DGKG: variants seen among roughly 807,000 people sequenced by gnomAD.
DGKG encodes the protein diacylglycerol kinase gamma.
A neutral mutation model predicts 105.3 loss-of-function variants in DGKG; 78 were observed. The ratio of observed to expected loss-of-function variants is 0.74; its 90% CI spans 0.62 to 0.89. The LOEUF (loss-of-function observed/expected upper bound fraction) is 0.89, where lower values mean the gene tolerates loss of function less well. DGKG is among the 40% of genes least tolerant of loss of function. The pLI is 0.00. For synonymous variants in DGKG, 346 were observed against 367.1 expected (o/e 0.94, Z 0.66); for missense variants, 958 against 1,020.1 (o/e 0.94, Z 0.83).
At chr3:186,261,500 A>C (rs920008755) in intron 15 of DGKG, among the ~76,000 whole-genome samples, 199 bp downstream of exon 15, 4 of 152,212 alleles carry the variant, frequency 2.6e-5, no homozygotes, top group African/African-American at 7.2e-5. Context: ...AGGAGGAATG[A>C]TAATTATCTC....
chr3:186,347,108 T>C (rs1394828323), intron 1 of DGKG, among the ~76,000 whole-genome samples: 1 of 152,108 alleles, frequency 6.6e-6, no homozygotes, highest in Non-Finnish European at 1.5e-5. Flanking sequence ...TAAAACAGCA[T>C]ATATTTAGAA....
chr3:186,300,201 A>G (rs554042955), intron 3 of DGKG, among the ~76,000 whole-genome samples: 4 of 152,112 alleles, frequency 2.6e-5, no homozygotes, highest in Non-Finnish European at 5.9e-5. Flanking sequence ...CTCTGATTGC[A>G]TCTCCAGCAT....
intron 5 of DGKG, among the ~76,000 whole-genome samples, chr3:186,290,519 AT>A (rs1723266490): frequency 6.6e-6 from 1 of 152,250 alleles, no homozygotes; most frequent in South Asian, 2.1e-4. Context: ...GACAAAATGT[AT>A]GAAACAATGG....
intron 20 of DGKG, among the ~76,000 whole-genome samples, chr3:186,223,913 C>G (rs1281323135): frequency 6.6e-6 from 1 of 152,186 alleles, no homozygotes; most frequent in Non-Finnish European, 1.5e-5. Context: ...CTCCTCTCCC[C>G]TAAGGAATAC....
rs369775577 is a variant in DGKG at position 186,317,489 on chromosome 3, T to C, written c.67+2904A>G. Among the ~76,000 whole-genome samples the C allele has an allele frequency of 5.9e-5, 9 of 152,290 alleles. No homozygotes were observed. The South Asian group carries it at 1.9e-3, about 32-fold the overall frequency. On this transcript the variant is annotated intron_variant, in intron 2 of 24. Transcript: ENST00000265022. ...TCCCCAGGATGGGGTCCTACTTTCCTTTCTAGTTCTTCCCCCAACACTCCT... is the reference window on the plus strand; with the variant it reads ...TCCCCAGGATGGGGTCCTACTTTCCCTTCTAGTTCTTCCCCCAACACTCCT...
chr3:186,169,306 C>G (rs561554624), intron 22 of DGKG, among the ~76,000 whole-genome samples: 1 of 152,236 alleles, frequency 6.6e-6, no homozygotes, highest in South Asian at 2.1e-4. Flanking sequence ...AAGAAAAGGA[C>G]AAATCCCAAC....
intron 24 of DGKG, chr3:186,158,335 C>T (rs1716132871): frequency 1.1e-6 from 1 of 946,020 alleles, no homozygotes; most frequent in African/African-American, 1.8e-5. Flanking sequence ...AGGCTATATT[C>T]TATAATTTTT....
At chr3:186,280,068 G>T (rs1040399280) in intron 8 of DGKG, 95 bp from the exon 9 acceptor site, 250 of 1,517,148 alleles carry the variant, frequency 1.6e-4, no homozygotes, top group Non-Finnish European at 2.2e-4. Flanking sequence ...GCATTATCTG[G>T]TTTGTGTTTT....
intron 5 of DGKG, among the ~76,000 whole-genome samples, chr3:186,290,888 A>G (rs1723282689): frequency 6.6e-6 from 1 of 152,228 alleles, no homozygotes; most frequent in Non-Finnish European, 1.5e-5. Flanking sequence ...AGGCTGGGGA[A>G]AGAACTAGGA....
At chr3:186,285,354 C>G (rs531584974) in intron 6 of DGKG, among the ~76,000 whole-genome samples, 1 of 152,280 alleles carries the variant, frequency 6.6e-6, no homozygotes, top group South Asian at 2.1e-4. Context: ...AGGTACTGTC[C>G]TATAGACTTT....
In DGKG at chr3:186,267,788, A is replaced by C; in HGVS notation, c.1117-11T>G. 6.2e-7 allele frequency: 1 copy of C among 1,612,898 alleles called. No homozygotes were observed. The highest frequency in any genetic ancestry group is 1.1e-5 in the South Asian group (1 of 91,050). ...ACATTTGCGGTGAAACTGGGGGGAG[A>C]AATGAAAAAGAGAGTGAGTGAAAGT... On this transcript the variant is annotated splice_polypyrimidine_tract_variant and intron_variant, in intron 12 of 24. Coordinates refer to ENST00000265022, the MANE Select transcript of DGKG (RefSeq NM_001346.3).
intron 20 of DGKG, among the ~76,000 whole-genome samples, chr3:186,233,231 G>A (rs913761938): frequency 6.6e-5 from 10 of 152,192 alleles, no homozygotes; most frequent in Non-Finnish European, 1.3e-4. Flanking sequence ...AAGTGGAAGA[G>A]GGAGGCAGGA....
In DGKG at chr3:186,279,851, A is replaced by G. The variant is rs1722748995; in HGVS notation, c.792T>C (p.Ser264=). The change falls in exon 9 of 25, where the codon TCT becomes TCC. Residue 264 remains serine, a splice_region_variant and synonymous_variant. Transcript: ENST00000265022. ...PLLVLLGMDD[S]GSKGDGRHAW... is the part of the protein sequence containing the mutation. ...TCTGAACTCCAGCTTGTTGACTTAC[A>G]GAGTCATCCATCCCCAGGAGGACCA... 6.2e-7 allele frequency: 1 copy of G among 1,613,292 alleles called. No homozygotes were observed. The highest frequency in any genetic ancestry group is 1.1e-5 in the South Asian group (1 of 90,958).
chr3:186,160,900 G>A (rs1161670020), intron 24 of DGKG: 1 of 985,320 alleles, frequency 1.0e-6, no homozygotes, highest in African/African-American at 1.7e-5. Context: ...GTAAGTCTGG[G>A]AATGGAGATA....
At chr3:186,158,865 A>T (rs1459811183) in intron 24 of DGKG, 1 of 948,186 alleles carries the variant, frequency 1.1e-6, no homozygotes, top group South Asian at 4.9e-5. Context: ...CAAATAAAAA[A>T]TGTGTTTACT....
chr3:186,224,122 C>T (rs1387200348), intron 20 of DGKG, among the ~76,000 whole-genome samples: 1 of 152,180 alleles, frequency 6.6e-6, no homozygotes, highest in Non-Finnish European at 1.5e-5. Flanking sequence ...TCTACTTTAT[C>T]CTACTTAAAT....
At chr3:186,211,603 G>A (rs1719041999) in intron 21 of DGKG, among the ~76,000 whole-genome samples, 192 bp downstream of exon 21, 1 of 152,222 alleles carries the variant, frequency 6.6e-6, no homozygotes. Flanking sequence ...AAGCCCCCCA[G>A]GGATTCTCTA....
chr3:186,333,608 T>C (rs139979455), intron 1 of DGKG, among the ~76,000 whole-genome samples: 83 of 152,320 alleles, frequency 5.4e-4, no homozygotes, highest in African/African-American at 1.9e-3. Flanking sequence ...AATATTCATC[T>C]AGAGAAGGCA....
intron 20 of DGKG, among the ~76,000 whole-genome samples, chr3:186,240,166 G>A (rs759671): frequency 0.64 from 97,020 of 151,974 alleles, 36,266 homozygotes; most frequent in East Asian, 0.92. Context: ...GTATCTTTTC[G>A]TACATTTGCT....
Sources: gnomAD v4.1 joint callset for allele counts (sites outside exome capture counted in the v4.1 genomes callset) on GRCh38, gnomAD v4.1.1 for gene constraint, MANE v1.5 for transcripts, NCBI Gene and HGNC (gene_info 2026-07-23, HGNC 2026-07-21) for gene names.